Variants in QTMAN observed in about 807,000 individuals in gnomAD.
QTMAN encodes queuosine-tRNA mannosyltransferase.
the QTMAN span, among the ~76,000 whole-genome samples, chr2:144,278,798 T>C: frequency 6.6e-6 from 1 of 152,082 alleles, no homozygotes; most frequent in Non-Finnish European, 1.5e-5. Flanking sequence ...ACCGTTAATA[T>C]AGTATGCCCT....
chr2:144,059,495 A>G, the QTMAN span, among the ~76,000 whole-genome samples: 1 of 152,210 alleles, frequency 6.6e-6, no homozygotes, highest in Non-Finnish European at 1.5e-5. Flanking sequence ...AGGATGAGTG[A>G]GCTGTGGGTT....
the QTMAN span, among the ~76,000 whole-genome samples, chr2:144,326,415 G>A: frequency 1.3e-5 from 2 of 151,830 alleles, no homozygotes; most frequent in East Asian, 1.9e-4. Flanking sequence ...GTGAAACCCC[G>A]TCTCTACTAA....
the QTMAN span, among the ~76,000 whole-genome samples, chr2:144,079,381 T>C: frequency 2.0e-4 from 31 of 152,210 alleles, no homozygotes; most frequent in African/African-American, 7.5e-4. Flanking sequence ...TTAAAATAAC[T>C]TCAAAATATG....
chr2:144,155,866 T>C, the QTMAN span, among the ~76,000 whole-genome samples: 4 of 151,694 alleles, frequency 2.6e-5, no homozygotes, highest in Non-Finnish European at 5.9e-5. Context: ...AATAATAATA[T>C]CTGCTTCGTG....
the QTMAN span, among the ~76,000 whole-genome samples, chr2:143,998,671 A>G: frequency 6.6e-6 from 1 of 152,066 alleles, no homozygotes; most frequent in Non-Finnish European, 1.5e-5. Flanking sequence ...TTAAAAAATA[A>G]TCTACAGGGA....
chr2:144,281,310 T>C, the QTMAN span, among the ~76,000 whole-genome samples: 110 of 142,374 alleles, frequency 7.7e-4, no homozygotes, highest in Non-Finnish European at 1.4e-3. Flanking sequence ...AATAATTCTA[T>C]CCCATTATAT....
At chr2:144,050,904 T>C in the QTMAN span, among the ~76,000 whole-genome samples, 4 of 152,142 alleles carry the variant, frequency 2.6e-5, no homozygotes, top group Non-Finnish European at 4.4e-5. Flanking sequence ...TTTAATGGAA[T>C]ATTTTTGATC....
the QTMAN span, among the ~76,000 whole-genome samples, chr2:144,172,063 T>G: frequency 8.5e-4 from 129 of 152,198 alleles, no homozygotes; most frequent in African/African-American, 3.0e-3. Flanking sequence ...TCTTATGACA[T>G]AAAAAGTATA....
the QTMAN span, among the ~76,000 whole-genome samples, chr2:144,268,239 C>CT: frequency 2.0e-5 from 3 of 152,192 alleles, no homozygotes; most frequent in African/African-American, 7.2e-5. Flanking sequence ...TCCCTTTCTT[C>CT]TGCCATGAAT....
the QTMAN span, among the ~76,000 whole-genome samples, chr2:144,239,162 AAAAAGAAAAG>A: frequency 6.6e-6 from 1 of 151,682 alleles, no homozygotes; most frequent in African/African-American, 2.4e-5. Flanking sequence ...CACTGTTAAA[AAAAAGAAAAG>A]AAAAAAAAGA....
the QTMAN span, among the ~76,000 whole-genome samples, chr2:144,332,182 T>G: frequency 6.6e-6 from 1 of 152,008 alleles, no homozygotes; most frequent in Non-Finnish European, 1.5e-5. Context: ...TGCCACGGCG[T>G]GACGCCCCAT....
At chr2:144,196,837 T>C in the QTMAN span, among the ~76,000 whole-genome samples, 2 of 152,166 alleles carry the variant, frequency 1.3e-5, no homozygotes, top group Admixed American at 1.3e-4. Flanking sequence ...TCTAGCATAA[T>C]ACATGAACTC....
chr2:143,976,222 G>C, the QTMAN span, among the ~76,000 whole-genome samples: 1 of 151,954 alleles, frequency 6.6e-6, no homozygotes. Context: ...AGGAAAAACA[G>C]AGTTGGTGCC....
chr2:144,296,661 C>G, the QTMAN span, among the ~76,000 whole-genome samples: 1 of 152,084 alleles, frequency 6.6e-6, no homozygotes, highest in Non-Finnish European at 1.5e-5. Context: ...AAAAATTACC[C>G]CGATTTCTGA....
chr2:144,098,573 G>A, the QTMAN span, among the ~76,000 whole-genome samples: 1 of 151,916 alleles, frequency 6.6e-6, no homozygotes, highest in Admixed American at 6.6e-5. Context: ...AAATTAGCCA[G>A]ATGTGGCGGC....
At chr2:144,188,508 C>CGGATGGATGGAT in the QTMAN span, among the ~76,000 whole-genome samples, 39 of 148,742 alleles carry the variant, frequency 2.6e-4, no homozygotes, top group African/African-American at 7.9e-4. Context: ...CTTTTGCAAT[C>CGGATGGATGGAT]GGATGGATGG....
At chr2:144,009,449 G>A in the QTMAN span, among the ~76,000 whole-genome samples, 5 of 152,064 alleles carry the variant, frequency 3.3e-5, no homozygotes, top group African/African-American at 1.2e-4. Flanking sequence ...CTAGAAACAA[G>A]GTCTTTGGCT....
the QTMAN span, among the ~76,000 whole-genome samples, chr2:144,119,955 T>C: frequency 3.3e-5 from 5 of 152,168 alleles, no homozygotes; most frequent in African/African-American, 7.2e-5. Context: ...TGAAGTGGTA[T>C]TGAATAGTTT....
the QTMAN span, among the ~76,000 whole-genome samples, chr2:144,066,275 G>A: frequency 1.3e-5 from 2 of 151,726 alleles, no homozygotes; most frequent in Non-Finnish European, 2.9e-5. Flanking sequence ...CTACATACTA[G>A]GATATCATAT....
Sources: allele counts gnomAD v4.1 joint callset (sites outside exome capture counted in the v4.1 genomes callset), GRCh38; gene constraint gnomAD v4.1.1; transcripts MANE v1.5; gene names NCBI Gene and HGNC (gene_info 2026-07-23, HGNC 2026-07-21).